The following SEMA3A variants were observed in gnomAD, a reference collection of about 807,000 sequenced individuals.
SEMA3A encodes the protein semaphorin 3A.
Under a neutral mutation model 97.9 loss-of-function variants are expected in SEMA3A, and 29 were observed. That is an observed-to-expected ratio of 0.30 (90% confidence interval 0.22 to 0.40). SEMA3A has a LOEUF of 0.40. SEMA3A is among the 10% of genes least tolerant of loss of function. The pLI, the probability that SEMA3A is intolerant of heterozygous loss-of-function variation, is 1.00. For missense variants in SEMA3A, 763 were observed against 951.3 expected, an observed-to-expected ratio of 0.80 and a Z score of 2.60; for synonymous variants, 321 against 323.7, an observed-to-expected ratio of 0.99 and a Z score of 0.09.
At chr7:84,133,817 A>G (rs547958756) in intron 2 of SEMA3A, among the ~76,000 whole-genome samples, 3 of 150,308 alleles carry the variant, frequency 2.0e-5, no homozygotes, top group East Asian at 2.0e-4. Flanking sequence ...TTGAGAGGCC[A>G]AGGCGGGCGG....
intron 1 of SEMA3A, among the ~76,000 whole-genome samples, chr7:84,185,526 T>TA (rs937506741): frequency 4.6e-5 from 6 of 131,778 alleles, no homozygotes; most frequent in Non-Finnish European, 8.4e-5. Flanking sequence ...ATTTAAAAAA[T>TA]AAAAAAAATA....
intron 2 of SEMA3A, among the ~76,000 whole-genome samples, chr7:84,358,954 G>T (rs1802642684): frequency 6.6e-6 from 1 of 152,146 alleles, no homozygotes; most frequent in Admixed American, 6.5e-5. Context: ...TGGTGTATAA[G>T]AATGCTTGTG....
At chr7:84,129,370 A>T (rs1346209296) in intron 2 of SEMA3A, among the ~76,000 whole-genome samples, 185 bp from the exon 3 acceptor site, 1 of 152,192 alleles carries the variant, frequency 6.6e-6, no homozygotes, top group African/African-American at 2.4e-5. Flanking sequence ...TAAGTCATTG[A>T]TTCTCCATCT....
In SEMA3A at chr7:84,428,747, A is replaced by C. The variant is rs138780558; in HGVS notation, c.-245-56847T>G. ...ATAATTTATCAGTAAAAAGAAAAAC[A>C]TAATAAAACTTGATCAAGTCAGATA... On this transcript the variant is annotated intron_variant, in intron 1 of 3. Transcript: ENST00000424555. 1.1e-4 allele frequency among the ~76,000 whole-genome samples: 16 copies of C among 152,210 alleles called. No homozygotes were observed. The South Asian group carries it at 2.7e-3, about 26-fold the overall frequency.
At chr7:84,236,885 C>T (rs188689427) in intron 3 of SEMA3A, among the ~76,000 whole-genome samples, 1 of 151,932 alleles carries the variant, frequency 6.6e-6, no homozygotes, top group African/African-American at 2.4e-5. Flanking sequence ...ATTGTGAATA[C>T]CCTCAAAGCA....
intron 14 of SEMA3A, among the ~76,000 whole-genome samples, chr7:83,978,660 T>G (rs1374889877): frequency 6.6e-6 from 1 of 152,240 alleles, no homozygotes; most frequent in African/African-American, 2.4e-5. Flanking sequence ...TATTTATAGA[T>G]TTCTATTTGT....
chr7:84,253,892 C>A (rs556925594), intron 3 of SEMA3A, among the ~76,000 whole-genome samples: 3 of 152,032 alleles, frequency 2.0e-5, no homozygotes, highest in Non-Finnish European at 4.4e-5. Flanking sequence ...GGTGGAAGCA[C>A]GGAGATGCTA....
intron 1 of SEMA3A, among the ~76,000 whole-genome samples, chr7:84,411,571 A>G (rs990060385): frequency 6.6e-6 from 1 of 150,758 alleles, no homozygotes; most frequent in African/African-American, 2.4e-5. Flanking sequence ...GTATAATTAT[A>G]TATATATATA....
At chr7:84,099,526 T>C (rs1794889296) in intron 4 of SEMA3A, among the ~76,000 whole-genome samples, 1 of 152,180 alleles carries the variant, frequency 6.6e-6, no homozygotes, top group African/African-American at 2.4e-5. Context: ...AGCTTAATGT[T>C]TTATGCACAA....
rs1358101774 is a variant in SEMA3A at position 83,961,334 on chromosome 7, G to A, written c.*37C>T. The A allele has an allele frequency of 5.2e-6, 8 of 1,533,926 alleles. No homozygotes were observed. Among genetic ancestry groups the A allele is most frequent in the African/African-American group, 1.4e-5 (1 of 72,840 alleles). On this transcript the variant is annotated 3_prime_UTR_variant, in exon 17 of 17. Coordinates refer to ENST00000265362, the MANE Select transcript of SEMA3A (RefSeq NM_006080.3). ...GTTTTTCCAGTTATTGTCTAGGCAA[G>A]TTTCTACTTGTTTGAGGTTTCTAGA...
chr7:84,196,449 G>T (rs1234497902), upstream of SEMA3A, among the ~76,000 whole-genome samples: 1 of 152,006 alleles, frequency 6.6e-6, no homozygotes, highest in Non-Finnish European at 1.5e-5. Context: ...GGAAGAGGAG[G>T]ATTTAAAGAG....
intron 3 of SEMA3A, among the ~76,000 whole-genome samples, chr7:84,250,542 A>T (rs1160060281): frequency 1.3e-5 from 2 of 152,138 alleles, no homozygotes; most frequent in African/African-American, 4.8e-5. Context: ...TCTGTGTGGG[A>T]CCATGTGAGG....
intron 3 of SEMA3A, 90 bp from the exon 4 acceptor site, chr7:84,110,679 C>CTTTTGT: frequency 7.3e-7 from 1 of 1,366,838 alleles, no homozygotes; most frequent in Non-Finnish European, 9.9e-7. Flanking sequence ...ACAGATTTGT[C>CTTTTGT]TTTTGTTTTC....
In SEMA3A at chr7:84,123,480, C is replaced by A. The variant is rs989054450; in HGVS notation, c.333+5643G>T. Among the ~76,000 whole-genome samples the A allele has an allele frequency of 2.0e-5, 3 of 151,780 alleles. No individual in the cohort carries two copies. The East Asian group carries it at 5.8e-4, about 29-fold the overall frequency. ...CCACAGCAATTTGAAGGTTTAGAAT[C>A]TACAATACCAAAAAAGACATATTAA... On this transcript the variant is annotated intron_variant, in intron 3 of 16. Transcript: ENST00000265362.
At chr7:84,194,357 G>T (rs1358846814) in intron 1 of SEMA3A, 118 bp downstream of exon 1, 4 of 662,498 alleles carry the variant, frequency 6.0e-6, no homozygotes, top group Middle Eastern at 2.6e-4. Flanking sequence ...ACATAATCAC[G>T]TCGGTTTACC....
At chr7:83,976,457 T>C (rs182134307) in intron 15 of SEMA3A, among the ~76,000 whole-genome samples, 10 of 152,224 alleles carry the variant, frequency 6.6e-5, no homozygotes, top group Admixed American at 3.3e-4. Flanking sequence ...ATTATTTCCA[T>C]AGTAATATGG....
intron 4 of SEMA3A, among the ~76,000 whole-genome samples, chr7:84,064,161 T>G (rs949345916): frequency 4.0e-5 from 6 of 151,652 alleles, no homozygotes; most frequent in Admixed American, 6.6e-5. Flanking sequence ...TTCATATCCA[T>G]CCAAACTAAG....
intron 2 of SEMA3A, among the ~76,000 whole-genome samples, chr7:84,318,049 G>T (rs1801552258): frequency 1.3e-5 from 2 of 151,924 alleles, no homozygotes; most frequent in South Asian, 4.1e-4. Flanking sequence ...CCATTAAAAT[G>T]AATAAACAAT....
At chr7:84,170,385 G>A (rs899567262) in intron 1 of SEMA3A, among the ~76,000 whole-genome samples, 1 of 151,926 alleles carries the variant, frequency 6.6e-6, no homozygotes, top group Non-Finnish European at 1.5e-5. Flanking sequence ...CAGTGACTTC[G>A]TAAATGAGAT....
Sources: allele counts gnomAD v4.1 joint callset (sites outside exome capture counted in the v4.1 genomes callset), GRCh38; gene constraint gnomAD v4.1.1; transcripts MANE v1.5; gene names NCBI Gene and HGNC (gene_info 2026-07-23, HGNC 2026-07-21).